SHISA9: variants seen among roughly 807,000 people sequenced by gnomAD.
SHISA9 encodes the protein shisa family member 9.
In SHISA9, 13 loss-of-function variants were observed where a neutral mutation model predicts 38.0. That is an observed-to-expected ratio of 0.34 (90% CI 0.22 to 0.54). SHISA9 has a LOEUF of 0.54. Among genes scored for constraint, SHISA9 ranks in the 20% least tolerant of loss-of-function variants. The pLI is 0.91. For missense variants in SHISA9, 538 were observed against 575.8 expected, an observed-to-expected ratio of 0.93 and a Z score of 0.67; for synonymous variants, 275 against 242.0, an observed-to-expected ratio of 1.14 and a Z score of -1.27.
At chr16:13,333,182 A>G in the SHISA9 span, among the ~76,000 whole-genome samples, 1 of 152,148 alleles carries the variant, frequency 6.6e-6, no homozygotes, top group Non-Finnish European at 1.5e-5. Context: ...ACATCCATAC[A>G]AGGGTCAAAC....
At chr16:13,210,530 T>C (rs77997550) in intron 3 of SHISA9, among the ~76,000 whole-genome samples, 2 of 152,216 alleles carry the variant, frequency 1.3e-5, no homozygotes, top group East Asian at 1.9e-4. Context: ...ATAGCACTTT[T>C]TGAAACAACA....
intron 4 of SHISA9, among the ~76,000 whole-genome samples, chr16:13,231,137 T>A (rs1046859065): frequency 6.6e-6 from 1 of 152,218 alleles, no homozygotes; most frequent in African/African-American, 2.4e-5. Flanking sequence ...CTGGTTCACA[T>A]GCCTCTGACA....
chr16:12,971,085 A>T (rs929592344), intron 2 of SHISA9, among the ~76,000 whole-genome samples: 1 of 152,186 alleles, frequency 6.6e-6, no homozygotes, highest in Non-Finnish European at 1.5e-5. Flanking sequence ...CCCACCTGGG[A>T]TCCTGGCAGG....
intron 2 of SHISA9, among the ~76,000 whole-genome samples, chr16:13,095,287 TG>T (rs1230496143): frequency 6.6e-6 from 1 of 152,264 alleles, no homozygotes; most frequent in Non-Finnish European, 1.5e-5. Context: ...TCTGCTTTTG[TG>T]CTTTGAAGCT....
At chr16:13,410,367 T>C in the SHISA9 span, among the ~76,000 whole-genome samples, 1 of 152,228 alleles carries the variant, frequency 6.6e-6, no homozygotes, top group Non-Finnish European at 1.5e-5. Flanking sequence ...ATCGGCGTGT[T>C]ATATTTAGTC....
chr16:13,475,752 G>A, the SHISA9 span, among the ~76,000 whole-genome samples: 2 of 152,164 alleles, frequency 1.3e-5, no homozygotes, highest in Non-Finnish European at 2.9e-5. Flanking sequence ...ATCAGTGAGA[G>A]TCCTGACCTT....
At chr16:13,413,945 T>A in the SHISA9 span, among the ~76,000 whole-genome samples, 3 of 152,158 alleles carry the variant, frequency 2.0e-5, no homozygotes, top group African/African-American at 4.8e-5. Context: ...ACTAAACTCA[T>A]CCTGCAACCG....
At chr16:13,504,869 G>A in the SHISA9 span, among the ~76,000 whole-genome samples, 7 of 152,268 alleles carry the variant, frequency 4.6e-5, no homozygotes, top group Admixed American at 6.5e-5. Context: ...TCAAGATCAC[G>A]TTGATGAAAA....
chr16:13,176,238 A>G (rs1223302793), intron 2 of SHISA9, among the ~76,000 whole-genome samples: 1 of 151,980 alleles, frequency 6.6e-6, no homozygotes, highest in Non-Finnish European at 1.5e-5. Context: ...AGCCAGGCAT[A>G]TTTTGGGGGG....
At chr16:13,419,160 A>G in the SHISA9 span, among the ~76,000 whole-genome samples, 2 of 152,232 alleles carry the variant, frequency 1.3e-5, no homozygotes, top group Non-Finnish European at 2.9e-5. Context: ...TTTAGTATCT[A>G]ATTGGAAAAA....
intron 2 of SHISA9, among the ~76,000 whole-genome samples, chr16:13,045,856 C>T (rs903842414): frequency 4.6e-5 from 7 of 152,148 alleles, no homozygotes; most frequent in East Asian, 1.9e-4. Context: ...AGCCAGGCCA[C>T]GTTACTGCTA....
At chr16:13,512,457 T>G in the SHISA9 span, among the ~76,000 whole-genome samples, 1 of 152,130 alleles carries the variant, frequency 6.6e-6, no homozygotes, top group Non-Finnish European at 1.5e-5. Flanking sequence ...TCAATGCTAT[T>G]CCCATCAGAC....
At chr16:13,277,363 A>T in the SHISA9 span, among the ~76,000 whole-genome samples, 39,072 of 151,704 alleles carry the variant, frequency 0.26, 5,279 homozygotes, top group Non-Finnish European at 0.3. Context: ...CCTCCAAATT[A>T]GTTCTTTTTG....
At chr16:13,213,487 T>C (rs1001674355) in intron 4 of SHISA9, among the ~76,000 whole-genome samples, 187 bp downstream of exon 4, 3 of 152,144 alleles carry the variant, frequency 2.0e-5, no homozygotes, top group Admixed American at 2.0e-4. Context: ...TGTGTGTGCA[T>C]CTAGCAATTG....
intron 2 of SHISA9, among the ~76,000 whole-genome samples, chr16:13,022,242 C>A (rs181650755): frequency 6.6e-6 from 1 of 152,216 alleles, no homozygotes; most frequent in African/African-American, 2.4e-5. Flanking sequence ...GCTTTGAATT[C>A]CTGGACTGAA....
chr16:13,374,936 A>C, the SHISA9 span, among the ~76,000 whole-genome samples: 1 of 152,028 alleles, frequency 6.6e-6, no homozygotes, highest in African/African-American at 2.4e-5. Flanking sequence ...GCATTTTTTC[A>C]TGTGTCTGTT....
At chr16:13,044,097 G>C (rs761847546) in intron 2 of SHISA9, among the ~76,000 whole-genome samples, 1 of 152,194 alleles carries the variant, frequency 6.6e-6, no homozygotes, top group African/African-American at 2.4e-5. Flanking sequence ...GGATTTTGAA[G>C]ACTCAACCTG....
chr16:12,997,956 G>A (rs530048423), intron 2 of SHISA9, among the ~76,000 whole-genome samples: 15 of 152,288 alleles, frequency 9.8e-5, no homozygotes, highest in African/African-American at 2.9e-4. Context: ...TATACACGGC[G>A]TGTAATAGGA....
At chr16:13,296,523 T>C in the SHISA9 span, among the ~76,000 whole-genome samples, 1 of 152,022 alleles carries the variant, frequency 6.6e-6, no homozygotes, top group South Asian at 2.1e-4. Flanking sequence ...GTCTGTGGAT[T>C]GACGGTTGCA....
Sources: gnomAD v4.1 joint callset for allele counts (sites outside exome capture counted in the v4.1 genomes callset) on GRCh38, gnomAD v4.1.1 for gene constraint, MANE v1.5 for transcripts, NCBI Gene and HGNC (gene_info 2026-07-23, HGNC 2026-07-21) for gene names.